The following CUX1 variants were observed in gnomAD, a reference collection of about 807,000 sequenced individuals.
CUX1 encodes the protein cut like homeobox 1.
In CUX1, 31 loss-of-function variants were observed where a neutral mutation model predicts 158.8. The ratio of observed to expected loss-of-function variants is 0.20; its 90% CI spans 0.15 to 0.26. The LOEUF is 0.26. CUX1 is among the 10% of genes least tolerant of loss of function. The pLI is 1.00. For missense variants in CUX1, 1,589 were observed against 2,014.6 expected, an observed-to-expected ratio of 0.79 and a Z score of 4.04; for synonymous variants, 879 against 862.1, an observed-to-expected ratio of 1.02 and a Z score of -0.34.
chr7:102,218,735 A>G (rs1317004620), intron 20 of CUX1, among the ~76,000 whole-genome samples: 1 of 152,040 alleles, frequency 6.6e-6, no homozygotes, highest in African/African-American at 2.4e-5. Context: ...TGTCATTATA[A>G]GAGTTTCTCG....
intron 1 of CUX1, among the ~76,000 whole-genome samples, chr7:101,856,201 A>G (rs1796795330): frequency 6.6e-6 from 1 of 150,984 alleles, no homozygotes; most frequent in African/African-American, 2.4e-5. Flanking sequence ...AAAAAAAAAA[A>G]AAAAAGGAAA....
intron 3 of CUX1, among the ~76,000 whole-genome samples, chr7:102,041,666 A>ATTTTTTT (rs1246831975): frequency 1.9e-5 from 2 of 104,920 alleles, no homozygotes; most frequent in African/African-American, 7.7e-5. Flanking sequence ...CTCCCTTTTG[A>ATTTTTTT]TTTTTTTTTT....
chr7:102,111,801 T>C (rs369458761), intron 7 of CUX1, 27 bp downstream of exon 7: 1 of 1,602,556 alleles, frequency 6.2e-7, no homozygotes, highest in Non-Finnish European at 8.5e-7. Context: ...CCTAGTACCA[T>C]GGATGTGGGG....
upstream of CUX1, chr7:101,817,320 C>T (rs1791958101): frequency 1.0e-6 from 1 of 984,612 alleles, no homozygotes; most frequent in Non-Finnish European, 1.2e-6. The surrounding 1 kb of genome is among the most constrained non-coding windows in gnomAD (Gnocchi z 4.1). Flanking sequence ...GGGGCTTCTG[C>T]CCTCTCTGCA....
chr7:102,084,301 A>G (rs1827735965), intron 4 of CUX1, among the ~76,000 whole-genome samples: 1 of 148,610 alleles, frequency 6.7e-6, no homozygotes, highest in African/African-American at 2.4e-5. Context: ...TATATATTTT[A>G]TATTATGTAA....
chr7:102,171,277 T>A (rs1554510348), intron 10 of CUX1, among the ~76,000 whole-genome samples: 1 of 152,018 alleles, frequency 6.6e-6, no homozygotes, highest in Non-Finnish European at 1.5e-5. Flanking sequence ...GAGCTTAACG[T>A]CCCTGAGTCT....
intron 1 of CUX1, among the ~76,000 whole-genome samples, chr7:101,887,361 C>T (rs903451469): frequency 1.3e-5 from 2 of 151,710 alleles, no homozygotes; most frequent in Admixed American, 1.3e-4. Flanking sequence ...GGCTACAGTG[C>T]AGTGGTGTGA....
At chr7:101,988,520 T>G (rs1194247601) in intron 2 of CUX1, among the ~76,000 whole-genome samples, 1 of 152,054 alleles carries the variant, frequency 6.6e-6, no homozygotes, top group Non-Finnish European at 1.5e-5. Context: ...GTCTCCCTGC[T>G]CCTCCTTTCC....
At chr7:102,015,489 A>G (rs1450193802) in intron 2 of CUX1, among the ~76,000 whole-genome samples, 3 of 152,124 alleles carry the variant, frequency 2.0e-5, no homozygotes, top group Non-Finnish European at 4.4e-5. Flanking sequence ...CAGCCTCCCA[A>G]ATTGCTGGGG....
intron 2 of CUX1, among the ~76,000 whole-genome samples, chr7:101,957,544 A>C (rs1809923969): frequency 6.6e-6 from 1 of 152,078 alleles, no homozygotes; most frequent in South Asian, 2.1e-4. Flanking sequence ...AACTTGGTGA[A>C]ACACCGTCTC....
In CUX1 at chr7:102,254,476, C is replaced by T; in HGVS notation, c.*5434C>T. 1.0e-6 allele frequency: 1 copy of T among 985,492 alleles called. No homozygotes were observed. The highest frequency in any genetic ancestry group is 1.2e-6 in the Non-Finnish European group (1 of 829,962). 61.0% of individuals were successfully genotyped at this position (985,492 alleles called of 1,614,324 possible). On this transcript the variant is annotated 3_prime_UTR_variant, in exon 24 of 24. Transcript: ENST00000292535. The stretch of plus-strand genomic sequence containing the variant: ...CCACAGTGGCATCACCCTCTTATCC[C>T]AAAAGAATATGCCAGTTCCCATCCA...
At chr7:102,203,493 G>A (rs893746202) in intron 18 of CUX1, among the ~76,000 whole-genome samples, 4 of 152,184 alleles carry the variant, frequency 2.6e-5, no homozygotes, top group Non-Finnish European at 4.4e-5. Context: ...GAAGGGGGGC[G>A]ACTAGAAATG....
chr7:102,187,217 C>G (rs782367443), intron 11 of CUX1, among the ~76,000 whole-genome samples: 12 of 151,770 alleles, frequency 7.9e-5, no homozygotes, highest in Non-Finnish European at 1.3e-4. Context: ...CTAAGAGTCC[C>G]AATATCAAGC....
chr7:101,925,156 T>A (rs1805441080), intron 2 of CUX1, among the ~76,000 whole-genome samples: 1 of 152,106 alleles, frequency 6.6e-6, no homozygotes, highest in Admixed American at 6.5e-5. Context: ...TCACCCGGGT[T>A]GGAGTACAGT....
Position 101,952,368 on chromosome 7 carries a change from G to A in CUX1, c.141+36143G>A, listed in dbSNP as rs151293376. 5.2e-3 allele frequency among the ~76,000 whole-genome samples: 799 copies of A among 152,296 alleles called. 11 individuals carry two copies. Among genetic ancestry groups the A allele is most frequent in the African/African-American group, 0.018 (751 of 41,558 alleles). ...TGCACTCCAGCCTGGGTGACAGAGC[G>A]AGACCCTGTTTCAGTAATAAATAAA... is the stretch of plus-strand genomic sequence containing the variant. On this transcript the variant is annotated intron_variant, in intron 2 of 23. Coordinates refer to ENST00000292535, the MANE Select transcript of CUX1 (RefSeq NM_181552.4).
At chr7:101,998,881 A>G (rs929346095) in intron 2 of CUX1, among the ~76,000 whole-genome samples, 1 of 152,192 alleles carries the variant, frequency 6.6e-6, no homozygotes, top group Non-Finnish European at 1.5e-5. Context: ...AGCAAGAAAC[A>G]GGCCCCTGAG....
intron 2 of CUX1, among the ~76,000 whole-genome samples, chr7:102,021,248 G>A (rs1819301896): frequency 6.6e-6 from 1 of 152,114 alleles, no homozygotes; most frequent in South Asian, 2.1e-4. Flanking sequence ...TTATTTCCCA[G>A]AAAAGTATCC....
At chr7:102,055,560 A>G (rs930986387) in intron 3 of CUX1, among the ~76,000 whole-genome samples, 16 of 152,214 alleles carry the variant, frequency 1.1e-4, no homozygotes, top group Non-Finnish European at 4.4e-5. Flanking sequence ...CCCATATAAG[A>G]TGGCAGACTT....
chr7:102,242,994 C>G (rs1464412101), intron 23 of CUX1, among the ~76,000 whole-genome samples: 1 of 152,178 alleles, frequency 6.6e-6, no homozygotes, highest in African/African-American at 2.4e-5. Context: ...CAGGTCTGGG[C>G]TGGGTGTGGT....
Sources: allele counts gnomAD v4.1 joint callset (sites outside exome capture counted in the v4.1 genomes callset), GRCh38; gene constraint gnomAD v4.1.1; non-coding constraint Gnocchi (gnomAD v3.1); transcripts MANE v1.5; gene names NCBI Gene and HGNC (gene_info 2026-07-23, HGNC 2026-07-21).